TULP4: variants seen among roughly 807,000 people sequenced by gnomAD.
The protein encoded by TULP4 is TUB like protein 4, also known as tubby-related protein 4.
TULP4 carries 16 observed loss-of-function variants against 129.0 expected under a neutral mutation model. That is an observed-to-expected ratio of 0.12 (90% CI 0.08 to 0.19). The LOEUF is 0.19. Among genes scored for constraint, TULP4 ranks in the 10% least tolerant of loss-of-function variants. TULP4 has a pLI of 1.00. For missense variants in TULP4, 1,842 were observed against 2,059.1 expected, an observed-to-expected ratio of 0.89 and a Z score of 2.04; for synonymous variants, 998 against 854.0, an observed-to-expected ratio of 1.17 and a Z score of -2.94.
Position 158,502,632 on chromosome 6 carries a change from AC to A in TULP4, c.2970del (p.Asn990LysfsTer34). On this transcript the variant is annotated frameshift_variant, in exon 13 of 14. Transcript: ENST00000367097. LOFTEE classifies it high-confidence loss of function. ...NSLIHATLRR[N>X]NREATLKMAQ... ...CTCATCCACGCTACCCTGCGGAGGA[AC>A]AACCGTGAGGCTACGCTCAAGATGG... 6.3e-7 allele frequency: 1 copy of A among 1,592,812 alleles called. No individual in the cohort carries two copies. Among genetic ancestry groups the A allele is most frequent in the Non-Finnish European group, 8.5e-7 (1 of 1,175,352 alleles).
In TULP4 at chr6:158,502,564, G is replaced by A. The variant is rs1357384165; in HGVS notation, c.2901G>A (p.Gln967=). 6.2e-7 allele frequency: 1 copy of A among 1,606,332 alleles called. No homozygotes were observed. Among genetic ancestry groups the A allele is most frequent in the Admixed American group, 1.7e-5 (1 of 60,014 alleles). Residue 967 remains glutamine (Q), a synonymous_variant, in exon 13 of 14, where the codon CAG becomes CAA. Transcript: ENST00000367097. ...CCCCGTATCCTGAAATTGCCAGCCA[G>A]CTGGCCCAGGGGCGGGGGGCTGCCC... is the stretch of plus-strand genomic sequence containing the variant. The part of the protein sequence containing the change: ...DPPPYPEIAS[Q]LAQGRGAAQR...
intron 1 of TULP4, among the ~76,000 whole-genome samples, chr6:158,248,555 C>T (rs1778076673): frequency 6.6e-6 from 1 of 152,068 alleles, no homozygotes. Flanking sequence ...AGGCATGAGC[C>T]ACCGTGCCCG....
upstream of TULP4, among the ~76,000 whole-genome samples, chr6:158,279,626 G>C (rs911794833): frequency 1.3e-5 from 2 of 152,102 alleles, no homozygotes; most frequent in Admixed American, 6.6e-5. Flanking sequence ...GATTAATTAT[G>C]TTAAGAAAAA....
At chr6:158,409,660 G>GA (rs1778048361) in intron 1 of TULP4, among the ~76,000 whole-genome samples, 1 of 152,118 alleles carries the variant, frequency 6.6e-6, no homozygotes, top group Non-Finnish European at 1.5e-5. Context: ...CTGCAGCTGT[G>GA]AATTATAGAC....
chr6:158,447,418 C>A (rs1436291186), intron 3 of TULP4, among the ~76,000 whole-genome samples: 1 of 152,034 alleles, frequency 6.6e-6, no homozygotes, highest in African/African-American at 2.4e-5. Flanking sequence ...ATTGTTTTAG[C>A]CTTTTTTAGT....
rs61745447 is a variant in TULP4, at chr6:158,503,756, T to C, written c.4093T>C (p.Leu1365=). The change falls in exon 13 of 14, where the codon TTG becomes CTG. Residue 1365 remains leucine (L), a synonymous_variant. Coordinates refer to ENST00000367097, the MANE Select transcript of TULP4 (RefSeq NM_020245.5). The surrounding 1 kb of genome is among the most constrained non-coding windows in gnomAD (Gnocchi z 4.3). ...EGKVKKEART[L]SDFNSLISSP... ...CAAAGTGAAGAAGGAGGCTAGGACT[T>C]TGAGTGACTTTAATTCCCTAATCTC... 4.8e-3 allele frequency: 7,811 copies of C among 1,613,942 alleles called. 336 individuals carry two copies. The African/African-American group carries it at 0.089, about 18-fold the overall frequency.
chr6:158,294,778 C>T (rs529988577), intron 1 of TULP4, among the ~76,000 whole-genome samples: 4 of 152,114 alleles, frequency 2.6e-5, no homozygotes, highest in Non-Finnish European at 5.9e-5. Context: ...TTTCCCAGGC[C>T]TGGAGCACAG....
chr6:158,482,970 A>G (rs1005390276), intron 8 of TULP4, among the ~76,000 whole-genome samples: 1 of 152,182 alleles, frequency 6.6e-6, no homozygotes, highest in African/African-American at 2.4e-5. Context: ...TTTGCGCACA[A>G]TCCTTTCAGG....
chr6:158,465,563 A>C (rs1779537649), intron 6 of TULP4, among the ~76,000 whole-genome samples: 2 of 152,114 alleles, frequency 1.3e-5, no homozygotes, highest in African/African-American at 4.8e-5. Flanking sequence ...TTTTGTGAGG[A>C]ACTGCCGTAC....
chr6:158,504,418 C>T (rs1780549833), intron 13 of TULP4, among the ~76,000 whole-genome samples: 1 of 151,854 alleles, frequency 6.6e-6, no homozygotes, highest in African/African-American at 2.4e-5. Context: ...GCAGTCTTGG[C>T]TTCCTGCAAG....
In TULP4 at chr6:158,509,568, T is replaced by C. The variant is rs905856677; in HGVS notation, c.*2874T>C. ...TTGAAATGAAAGCTACAAATACATG[T>C]GAGAAGAAAAAAATGGATTTTTTTA... On this transcript the variant is annotated 3_prime_UTR_variant, in exon 14 of 14. Coordinates refer to ENST00000367097, the MANE Select transcript of TULP4 (RefSeq NM_020245.5). The C allele has an allele frequency of 5.3e-5, 8 of 152,180 alleles. No homozygotes were observed. Among genetic ancestry groups the C allele is most frequent in the Non-Finnish European group, 1.0e-4 (7 of 68,034 alleles). The allele number at this position is 152,180 out of a possible 1,614,324, so 9.4% of individuals were successfully genotyped here. A position where few individuals can be genotyped will look rare whatever the true frequency, so the allele number is the denominator to read the frequency against.
intron 3 of TULP4, among the ~76,000 whole-genome samples, chr6:158,435,436 C>G (rs1036965005): frequency 6.6e-6 from 1 of 152,150 alleles, no homozygotes; most frequent in African/African-American, 2.4e-5. Context: ...GTCAGCACAT[C>G]CAGGCACGTC....
intron 6 of TULP4, among the ~76,000 whole-genome samples, chr6:158,478,094 G>A (rs901601461): frequency 4.6e-5 from 7 of 152,106 alleles, no homozygotes; most frequent in African/African-American, 1.7e-4. Flanking sequence ...ACAACTTGAG[G>A]GTGGAGAGTG....
At chr6:158,421,232 C>A (rs547624642) in intron 2 of TULP4, among the ~76,000 whole-genome samples, 1 of 151,990 alleles carries the variant, frequency 6.6e-6, no homozygotes. Context: ...CGTGGTGGCA[C>A]GCGCCTGTAG....
At chr6:158,264,960 G>A (rs1403203132) in intron 1 of TULP4, among the ~76,000 whole-genome samples, 1 of 152,216 alleles carries the variant, frequency 6.6e-6, no homozygotes, top group East Asian at 1.9e-4. Context: ...AAGCAGAAAA[G>A]CATCTGTGAG....
intron 1 of TULP4, among the ~76,000 whole-genome samples, chr6:158,318,805 A>C (rs1050237445): frequency 1.3e-5 from 2 of 151,974 alleles, no homozygotes; most frequent in African/African-American, 4.8e-5. Flanking sequence ...CGCTCACCGT[A>C]GCCTCTGCCT....
At chr6:158,330,672 T>G (rs748097696) in intron 1 of TULP4, among the ~76,000 whole-genome samples, 1 of 152,226 alleles carries the variant, frequency 6.6e-6, no homozygotes, top group African/African-American at 2.4e-5. Context: ...ACTTAAATTA[T>G]TCTCCATACT....
intron 3 of TULP4, among the ~76,000 whole-genome samples, chr6:158,433,257 C>T (rs1778671212): frequency 6.6e-6 from 1 of 152,136 alleles, no homozygotes; most frequent in East Asian, 1.9e-4. Context: ...CCTTCCGGCC[C>T]TTGTATTTCC....
At position 158,452,303 on chromosome 6, in the gene TULP4, C is replaced by T. The variant is rs774983915; in HGVS notation, c.859+35C>T. The stretch of plus-strand genomic sequence containing the variant: ...GCTGCACACACCCCAAACCTGCAGA[C>T]CGGGCCTGTGTGTGCTTGCCTCAAG... On this transcript the variant is annotated intron_variant, in intron 5 of 13. Coordinates refer to ENST00000367097, the MANE Select transcript of TULP4 (RefSeq NM_020245.5). 3.1e-6 allele frequency: 5 copies of T among 1,608,912 alleles called. No homozygotes were observed. The Admixed American group carries it at 5.0e-5, about 16-fold the overall frequency.
Sources: allele counts gnomAD v4.1 joint callset (sites outside exome capture counted in the v4.1 genomes callset), GRCh38; gene constraint gnomAD v4.1.1; non-coding constraint Gnocchi (gnomAD v3.1); transcripts MANE v1.5; gene names NCBI Gene and HGNC (gene_info 2026-07-23, HGNC 2026-07-21).